RAB3GAP1: variants seen among roughly 807,000 people sequenced by gnomAD.
The protein encoded by RAB3GAP1 is RAB3 GTPase activating protein catalytic subunit 1.
A neutral mutation model predicts 130.7 loss-of-function variants in RAB3GAP1; 86 were observed. The observed-to-expected ratio is 0.66, with a 90% CI of 0.55 to 0.79. The LOEUF (loss-of-function observed/expected upper bound fraction) is 0.79, where lower values mean the gene tolerates loss of function less well. Ranked by LOEUF, RAB3GAP1 falls within the 30% of genes least tolerant of loss-of-function variation. The probability of loss-of-function intolerance (pLI) is 0.00; values close to 1 mark genes in which losing one functional copy is unlikely to be tolerated. For missense variants in RAB3GAP1, 1,029 were observed against 1,169.4 expected, an observed-to-expected ratio of 0.88 and a Z score of 1.75; for synonymous variants, 367 against 401.7, an observed-to-expected ratio of 0.91 and a Z score of 1.03.
At chr2:135,114,101 A>C (rs542418631) in intron 6 of RAB3GAP1, among the ~76,000 whole-genome samples, 6 of 152,260 alleles carry the variant, frequency 3.9e-5, no homozygotes, top group Admixed American at 3.9e-4. Context: ...TTTTAACAAT[A>C]TATCTGCATG....
chr2:135,058,258 A>C (rs1689071581), intron 3 of RAB3GAP1, 172 bp downstream of exon 3: 1 of 632,736 alleles, frequency 1.6e-6, no homozygotes, highest in African/African-American at 1.8e-5. Flanking sequence ...GGCAAATGAT[A>C]TATGTAAGAC....
intron 3 of RAB3GAP1, among the ~76,000 whole-genome samples, chr2:135,081,245 T>C (rs1382036307): frequency 1.5e-5 from 2 of 137,580 alleles, no homozygotes; most frequent in Non-Finnish European, 3.0e-5. Flanking sequence ...AGGTGGAGCT[T>C]GCAGTGAGCC....
chr2:135,108,391 G>A (rs1690693493), intron 5 of RAB3GAP1, among the ~76,000 whole-genome samples: 1 of 152,122 alleles, frequency 6.6e-6, no homozygotes, highest in Non-Finnish European at 1.5e-5. Context: ...TAGTAGGTAT[G>A]TAGTGGTCTC....
chr2:135,140,754 C>T (rs952623825), intron 17 of RAB3GAP1, among the ~76,000 whole-genome samples: 8 of 152,186 alleles, frequency 5.3e-5, no homozygotes, highest in Non-Finnish European at 1.2e-4. Flanking sequence ...AATCTAGACT[C>T]CCATAAAGAA....
At chr2:135,072,283 C>T (rs961525983) in intron 3 of RAB3GAP1, among the ~76,000 whole-genome samples, 3 of 152,168 alleles carry the variant, frequency 2.0e-5, no homozygotes, top group Admixed American at 1.3e-4. Context: ...TAGCATTCAA[C>T]TGAATCCAGG....
At chr2:135,146,095 C>A (rs961267569) in intron 17 of RAB3GAP1, among the ~76,000 whole-genome samples, 9 of 151,620 alleles carry the variant, frequency 5.9e-5, no homozygotes, top group African/African-American at 2.2e-4. Context: ...CTTTATTATA[C>A]CTTTTTAAAA....
chr2:135,110,309 A>G (rs527993723), intron 5 of RAB3GAP1, among the ~76,000 whole-genome samples: 2 of 151,880 alleles, frequency 1.3e-5, no homozygotes, highest in East Asian at 3.9e-4. Flanking sequence ...AATTTTTACA[A>G]TTTTTTGTAG....
intron 3 of RAB3GAP1, among the ~76,000 whole-genome samples, chr2:135,062,416 A>T (rs914509705): frequency 1.3e-5 from 2 of 152,266 alleles, no homozygotes; most frequent in Admixed American, 6.5e-5. Context: ...GCTGAGGGGC[A>T]AAATTGGCCC....
intron 3 of RAB3GAP1, chr2:135,089,894 C>T (rs111512363): frequency 0.025 from 8,994 of 353,486 alleles, 746 homozygotes; most frequent in African/African-American, 0.18. Context: ...AGTGAGAACA[C>T]GTGGACACAG....
chr2:135,128,363 C>T (rs1691417245), intron 11 of RAB3GAP1, among the ~76,000 whole-genome samples: 1 of 152,152 alleles, frequency 6.6e-6, no homozygotes, highest in African/African-American at 2.4e-5. Context: ...ATAGAGATAA[C>T]ACTAGTACTT....
intron 3 of RAB3GAP1, among the ~76,000 whole-genome samples, chr2:135,060,601 C>G (rs531893401): frequency 1.3e-5 from 2 of 151,856 alleles, no homozygotes; most frequent in African/African-American, 4.8e-5. Flanking sequence ...GTATAACTTA[C>G]ACTCCTGTCA....
intron 19 of RAB3GAP1, among the ~76,000 whole-genome samples, chr2:135,162,217 C>T (rs761296162): frequency 1.4e-4 from 22 of 152,068 alleles, no homozygotes; most frequent in Non-Finnish European, 3.1e-4. Context: ...GCCCTTAGTA[C>T]GTGTATTCTG....
chr2:135,175,978 C>G (rs1692993177), intron 24 of RAB3GAP1, among the ~76,000 whole-genome samples: 2 of 152,068 alleles, frequency 1.3e-5, no homozygotes, highest in African/African-American at 4.8e-5. Flanking sequence ...TACCATTGTT[C>G]TTGTACAGAA....
At chr2:135,118,618 T>C (rs1040484464) in intron 7 of RAB3GAP1, among the ~76,000 whole-genome samples, 5 of 152,302 alleles carry the variant, frequency 3.3e-5, no homozygotes, top group African/African-American at 9.6e-5. Flanking sequence ...ATGAGTTTCA[T>C]TTTAAATTTT....
intron 17 of RAB3GAP1, among the ~76,000 whole-genome samples, chr2:135,148,067 G>T (rs1692053265): frequency 1.3e-5 from 2 of 152,078 alleles, no homozygotes; most frequent in Non-Finnish European, 2.9e-5. Flanking sequence ...TCTTCTTTCA[G>T]TGTGCATCTT....
At chr2:135,135,344 TA>T (rs745323193) in intron 16 of RAB3GAP1, 25 bp downstream of exon 16, 1 of 1,568,674 alleles carries the variant, frequency 6.4e-7, no homozygotes, top group Non-Finnish European at 8.8e-7. Flanking sequence ...ATGACATGGA[TA>T]AATGTGGTCT....
chr2:135,088,688 CAAAAAAAAAAA>C (rs1162700077), intron 3 of RAB3GAP1, among the ~76,000 whole-genome samples: 1 of 55,716 alleles, frequency 1.8e-5, no homozygotes, highest in Admixed American at 1.9e-4. Context: ...GACTCCATCT[CAAAAAAAAAAA>C]AAAAAAAAAG....
intron 5 of RAB3GAP1, among the ~76,000 whole-genome samples, chr2:135,112,823 C>A (rs1574121204): frequency 7.3e-6 from 1 of 137,268 alleles, no homozygotes; most frequent in Non-Finnish European, 1.5e-5. Flanking sequence ...AAGTCTCTCT[C>A]TCTCTCTCTC....
At chr2:135,094,334 T>C (rs1470425068) in intron 5 of RAB3GAP1, among the ~76,000 whole-genome samples, 7 of 152,246 alleles carry the variant, frequency 4.6e-5, no homozygotes, top group Admixed American at 3.3e-4. Context: ...GTTGTACATA[T>C]TTATCTTTTT....
Sources: allele counts gnomAD v4.1 joint callset (sites outside exome capture counted in the v4.1 genomes callset), GRCh38; gene constraint gnomAD v4.1.1; transcripts MANE v1.5; gene names NCBI Gene and HGNC (gene_info 2026-07-23, HGNC 2026-07-21).